GRM7: variants seen among roughly 807,000 people sequenced by gnomAD.
GRM7 encodes the protein metabotropic glutamate receptor 7.
GRM7 carries 35 observed loss-of-function variants against 84.5 expected under a neutral mutation model. The ratio of observed to expected loss-of-function variants is 0.41; its 90% CI spans 0.32 to 0.55. The LOEUF is 0.55. Among genes scored for constraint, GRM7 ranks in the 20% least tolerant of loss-of-function variants. GRM7 has a pLI of 0.19. For synonymous variants in GRM7, 487 were observed against 455.1 expected, an observed-to-expected ratio of 1.07 and a Z score of -0.89; for missense variants, 1,003 against 1,194.6, an observed-to-expected ratio of 0.84 and a Z score of 2.36.
intron 2 of GRM7, among the ~76,000 whole-genome samples, chr3:7,262,068 T>C (rs1698450181): frequency 6.6e-6 from 1 of 151,904 alleles, no homozygotes; most frequent in South Asian, 2.1e-4. Flanking sequence ...CCTTTGTAGA[T>C]TACCTGACCT....
chr3:7,658,339 T>C (rs776114743), intron 8 of GRM7, among the ~76,000 whole-genome samples: 1 of 152,186 alleles, frequency 6.6e-6, no homozygotes, highest in African/African-American at 2.4e-5. Flanking sequence ...AGAGGGAAAA[T>C]AGATGATTGC....
At chr3:6,970,945 A>G (rs1403842042) in intron 1 of GRM7, among the ~76,000 whole-genome samples, 9 of 152,012 alleles carry the variant, frequency 5.9e-5, no homozygotes, top group East Asian at 5.8e-4. Flanking sequence ...TCGTACGACT[A>G]CACTCCAGCC....
At chr3:7,110,348 C>T (rs1692801442) in intron 1 of GRM7, among the ~76,000 whole-genome samples, 1 of 152,026 alleles carries the variant, frequency 6.6e-6, no homozygotes, top group Non-Finnish European at 1.5e-5. Flanking sequence ...TGCCAGTAAT[C>T]CCAGCACTTT....
chr3:7,125,798 T>G (rs1693379552), intron 1 of GRM7, among the ~76,000 whole-genome samples: 1 of 152,222 alleles, frequency 6.6e-6, no homozygotes, highest in African/African-American at 2.4e-5. Flanking sequence ...CTGTCTTTTT[T>G]GTTCACATTT....
intron 9 of GRM7, among the ~76,000 whole-genome samples, chr3:7,724,567 G>A (rs1559506956): frequency 2.0e-5 from 3 of 152,154 alleles, no homozygotes; most frequent in Non-Finnish European, 1.5e-5. Context: ...AGCAGATAAG[G>A]ACAACACTGT....
intron 8 of GRM7, among the ~76,000 whole-genome samples, chr3:7,663,989 T>G (rs1575606573): frequency 6.6e-6 from 1 of 152,332 alleles, no homozygotes; most frequent in African/African-American, 2.4e-5. Flanking sequence ...CAAGAAAAGC[T>G]TGTCTCAAAC....
chr3:7,216,346 A>G (rs1696609537), intron 2 of GRM7, among the ~76,000 whole-genome samples: 1 of 152,210 alleles, frequency 6.6e-6, no homozygotes, highest in Non-Finnish European at 1.5e-5. Context: ...ATAATTGACT[A>G]AAGGCAAGTA....
intron 1 of GRM7, among the ~76,000 whole-genome samples, chr3:6,955,583 G>A (rs912373354): frequency 1.3e-5 from 2 of 151,444 alleles, no homozygotes; most frequent in African/African-American, 2.4e-5. Context: ...AGTGACTCAC[G>A]CCTGTAATCC....
chr3:7,502,725 C>G (rs1339921978), intron 7 of GRM7, among the ~76,000 whole-genome samples: 1 of 152,106 alleles, frequency 6.6e-6, no homozygotes, highest in South Asian at 2.1e-4. Flanking sequence ...GGCAATTAAC[C>G]AGCATACACT....
At chr3:7,131,492 A>G (rs1175482970) in intron 1 of GRM7, among the ~76,000 whole-genome samples, 1 of 151,772 alleles carries the variant, frequency 6.6e-6, no homozygotes, top group Non-Finnish European at 1.5e-5. Context: ...TTTATTTTTT[A>G]TTTTTGAGTT....
intron 7 of GRM7, among the ~76,000 whole-genome samples, chr3:7,570,845 T>G (rs1307350548): frequency 6.6e-6 from 1 of 152,250 alleles, no homozygotes; most frequent in African/African-American, 2.4e-5. Context: ...AGCAAACTTC[T>G]GTCTGGACAT....
intron 9 of GRM7, among the ~76,000 whole-genome samples, chr3:7,693,917 T>C (rs1700913880): frequency 6.6e-6 from 1 of 152,158 alleles, no homozygotes; most frequent in African/African-American, 2.4e-5. Flanking sequence ...AGGAGCTTTA[T>C]GTAAGGAAGA....
Position 6,862,014 on chromosome 3 carries a change from A to G in GRM7, c.519+107A>G. 1 of 897,502 alleles carries G rather than the reference A, an allele frequency of 1.1e-6. No individual in the cohort carries two copies. Among genetic ancestry groups the G allele is most frequent in the South Asian group, 1.7e-5 (1 of 58,654 alleles). 55.6% of individuals were successfully genotyped at this position (897,502 alleles called of 1,614,324 possible). On this transcript the variant is annotated intron_variant, in intron 1 of 9. Transcript: ENST00000357716. This position sits in a 1 kb window ranked among gnomAD's most constrained non-coding sequence, Gnocchi z 5.2. ...GTGCGGGTCAGGTCAGCCTTCGCTC[A>G]TTTCCTCCCTGGAGATCCTGCCGAA...
chr3:7,075,519 TG>T (rs1188331383), intron 1 of GRM7, among the ~76,000 whole-genome samples: 6 of 111,676 alleles, frequency 5.4e-5, no homozygotes, highest in African/African-American at 1.6e-4. Flanking sequence ...TGTGTGTGTG[TG>T]TGTGTGTGTG....
intron 7 of GRM7, among the ~76,000 whole-genome samples, chr3:7,556,386 G>C (rs1693759129): frequency 6.6e-6 from 1 of 152,018 alleles, no homozygotes; most frequent in Non-Finnish European, 1.5e-5. Flanking sequence ...CTGTAAAATG[G>C]GGCTTAAGAG....
chr3:7,317,921 T>A (rs553402227), intron 4 of GRM7, among the ~76,000 whole-genome samples: 1 of 152,156 alleles, frequency 6.6e-6, no homozygotes, highest in African/African-American at 2.4e-5. Flanking sequence ...TTGAAATACC[T>A]CTCTATTTTA....
chr3:7,016,432 G>A (rs1460341186), intron 1 of GRM7, among the ~76,000 whole-genome samples: 1 of 152,178 alleles, frequency 6.6e-6, no homozygotes. Context: ...GCTGCGTGCA[G>A]GGGAAACAGA....
intron 1 of GRM7, among the ~76,000 whole-genome samples, chr3:7,015,752 G>A (rs899259931): frequency 6.6e-6 from 1 of 152,166 alleles, no homozygotes; most frequent in African/African-American, 2.4e-5. Flanking sequence ...TCTTTGACAG[G>A]TGAACCACTG....
chr3:7,476,248 A>G (rs1698916452), intron 7 of GRM7, among the ~76,000 whole-genome samples: 1 of 152,190 alleles, frequency 6.6e-6, no homozygotes, highest in Non-Finnish European at 1.5e-5. Context: ...AGAGTTAACA[A>G]CACGAAAAGT....
Sources: allele counts gnomAD v4.1 joint callset (sites outside exome capture counted in the v4.1 genomes callset), GRCh38; gene constraint gnomAD v4.1.1; non-coding constraint Gnocchi (gnomAD v3.1); transcripts MANE v1.5; gene names NCBI Gene and HGNC (gene_info 2026-07-23, HGNC 2026-07-21).